DDX50: variants seen among roughly 807,000 people sequenced by gnomAD.
The protein encoded by DDX50 is DExD-box helicase 50.
A neutral mutation model predicts 94.8 loss-of-function variants in DDX50; 56 were observed. The ratio of observed to expected loss-of-function variants is 0.59; its 90% CI spans 0.48 to 0.74. The LOEUF (loss-of-function observed/expected upper bound fraction) is 0.74, where lower values mean the gene tolerates loss of function less well. Ranked by LOEUF, DDX50 falls within the 30% of genes least tolerant of loss-of-function variation. DDX50 has a pLI of 0.00. For synonymous variants in DDX50, 264 were observed against 295.4 expected, an observed-to-expected ratio of 0.89 and a Z score of 1.09; for missense variants, 713 against 881.2, an observed-to-expected ratio of 0.81 and a Z score of 2.42.
At position 68,934,501 on chromosome 10, in the gene DDX50, T is replaced by A; in HGVS notation, c.1401+141T>A. Reference sequence around the variant, plus strand: ...TTTTTTGTTAGTGTGCTATTAAATTTATCAGATTCTGATACTTTTGCAGAT... The same window carrying A: ...TTTTTTGTTAGTGTGCTATTAAATTAATCAGATTCTGATACTTTTGCAGAT... On this transcript the variant is annotated intron_variant, in intron 9 of 14. Coordinates refer to ENST00000373585, the MANE Select transcript of DDX50 (RefSeq NM_024045.2). This position sits in a 1 kb window ranked among gnomAD's most constrained non-coding sequence, Gnocchi z 4.0. 1.7e-6 allele frequency: 2 copies of A among 1,191,440 alleles called. No homozygotes were observed. The highest frequency in any genetic ancestry group is 2.3e-6 in the Non-Finnish European group (2 of 854,596). 73.8% of individuals were successfully genotyped at this position (1,191,440 alleles called of 1,614,324 possible). A position where few individuals can be genotyped will look rare whatever the true frequency, so the allele number is the denominator to read the frequency against.
intron 8 of DDX50, among the ~76,000 whole-genome samples, chr10:68,931,415 A>G (rs375937593): frequency 0.026 from 1,218 of 47,586 alleles, 11 homozygotes; most frequent in Admixed American, 0.038. Context: ...ATATATGTAT[A>G]TATATATATA....
chr10:68,915,887 C>A (rs1158925435), intron 7 of DDX50, among the ~76,000 whole-genome samples: 1 of 152,080 alleles, frequency 6.6e-6, no homozygotes, highest in African/African-American at 2.4e-5. Flanking sequence ...TGGTTAAAAA[C>A]AATCAGTGAT....
At chr10:68,932,988 A>G (rs1030571502) in intron 8 of DDX50, among the ~76,000 whole-genome samples, 1 of 152,060 alleles carries the variant, frequency 6.6e-6, no homozygotes, top group Non-Finnish European at 1.5e-5. Context: ...TATGTATCCT[A>G]CTGAAATATA....
In DDX50 at chr10:68,913,419, C is replaced by T. The variant is rs778495714; in HGVS notation, c.786C>T (p.Ile262=). ...ATCATATTCGAAATGGTATTGACAT[C>T]TTGGTTGGAACACCTGGTCGTATCA... ...QINHIRNGID[I]LVGTPGRIKD... is the part of the protein sequence containing the mutation. Residue 262 remains isoleucine, a synonymous_variant, in exon 6 of 15, where the codon ATC becomes ATT. Transcript: ENST00000373585. 1 of 1,613,566 alleles carries T rather than the reference C, an allele frequency of 6.2e-7. No individual in the cohort carries two copies. The highest frequency in any genetic ancestry group is 1.7e-5 in the Admixed American group (1 of 59,896).
rs781062316 is a variant in DDX50, at chr10:68,913,231, A to C, written c.709A>C (p.Lys237Gln). 6.2e-6 allele frequency: 10 copies of C among 1,613,600 alleles called. No homozygotes were observed. In the East Asian group the frequency reaches 2.2e-4, roughly 36 times the overall value. ...CAAAGACTTCAAAGATATAACTAGG[A>C]AACTCAGCGTGGCGTGTTTTTATGG... ...VAKDFKDITR[K>Q]LSVACFYGGT... The change falls in exon 5 of 15, where the codon AAA becomes CAA. Residue 237 changes from lysine (K) to glutamine (Q), a missense_variant. By Grantham distance (53) the Lys-to-Gln change is moderately conservative. Around this residue, in one of 2 missense-constraint regions of DDX50, gnomAD observed 285 missense variants for 278.9 expected, o/e 1.02. Transcript: ENST00000373585.
At chr10:68,905,175 C>A (rs774540632) in intron 1 of DDX50, among the ~76,000 whole-genome samples, 5 of 152,154 alleles carry the variant, frequency 3.3e-5, no homozygotes, top group African/African-American at 7.2e-5. Flanking sequence ...CCTCGCCCCC[C>A]CAGAGTGCTG....
chr10:68,930,114 C>CTTT (rs34023657), intron 8 of DDX50, among the ~76,000 whole-genome samples: 72 of 99,750 alleles, frequency 7.2e-4, no homozygotes, highest in South Asian at 1.7e-3. Context: ...CTTTCCTTTC[C>CTTT]TTTTTTTTTT....
chr10:68,913,080 G>A, intron 4 of DDX50, 82 bp from the exon 5 acceptor site: 1 of 1,068,026 alleles, frequency 9.4e-7, no homozygotes, highest in Non-Finnish European at 1.4e-6. Flanking sequence ...GGTTTTAAAT[G>A]CACCTAAAAA....
In DDX50 at chr10:68,936,920, T is replaced by C. The variant is rs1842435419; in HGVS notation, c.1596-16T>C. ...TTCCCTATGTCTTGACCAAGAATACTATTTTTAAACCATAGGTCTCTGGCT... is the reference window on the plus strand; with the variant it reads ...TTCCCTATGTCTTGACCAAGAATACCATTTTTAAACCATAGGTCTCTGGCT... On this transcript the variant is annotated splice_polypyrimidine_tract_variant and intron_variant, in intron 11 of 14. Coordinates refer to ENST00000373585, the MANE Select transcript of DDX50 (RefSeq NM_024045.2). 1.9e-6 allele frequency: 3 copies of C among 1,569,448 alleles called. No homozygotes were observed. The highest frequency in any genetic ancestry group is 2.6e-6 in the Non-Finnish European group (3 of 1,156,138).
chr10:68,913,514 A>C lies in DDX50; in HGVS notation c.881A>C (p.Gln294Pro), dbSNP rs766401044. 1 of 1,614,078 alleles carries C rather than the reference A, an allele frequency of 6.2e-7. No homozygotes were observed. Among genetic ancestry groups the C allele is most frequent in the South Asian group, 1.1e-5 (1 of 91,058 alleles). ...CATGTTGTGCTTGATGAAGTGGATC[A>C]GATGTTAGATTTAGGTTTCGCTGAA... ...LRHVVLDEVD[Q>P]MLDLGFAEQV... The change falls in exon 6 of 15, where the codon CAG (glutamine) becomes CCG (proline). Residue 294 changes from glutamine to proline, a missense_variant. Physicochemically the swap from Gln to Pro is moderately conservative, Grantham distance 76 (BLOSUM62 -1). Coordinates refer to ENST00000373585, the MANE Select transcript of DDX50 (RefSeq NM_024045.2).
intron 11 of DDX50, 38 bp from the exon 12 acceptor site, chr10:68,936,898 C>T (rs375516997): frequency 2.6e-6 from 4 of 1,515,614 alleles, no homozygotes; most frequent in African/African-American, 1.4e-5. Context: ...TTATTTTTTC[C>T]CTATGTCTTG....
chr10:68,911,282 C>G (rs1400561771), intron 4 of DDX50, 36 bp downstream of exon 4: 3 of 1,466,142 alleles, frequency 2.0e-6, no homozygotes, highest in Non-Finnish European at 2.7e-6. Context: ...TTAAATGTTA[C>G]TCTAACAGAA....
At chr10:68,936,418 G>A (rs1256918899) in intron 11 of DDX50, among the ~76,000 whole-genome samples, 3 of 146,550 alleles carry the variant, frequency 2.0e-5, no homozygotes, top group South Asian at 2.2e-4. Context: ...GAACCTGGGG[G>A]GCGGAGCTTG....
rs560378339 is a variant in DDX50 at position 68,932,246 on chromosome 10, G to T, written c.1240-1953G>T. On this transcript the variant is annotated intron_variant, in intron 8 of 14. Transcript: ENST00000373585. ...GATACCAAGGCTGAAATACTGTTGG[G>T]GTTAAATTACTGTTATGAACTTCTG... 2.0e-5 allele frequency among the ~76,000 whole-genome samples: 3 copies of T among 152,228 alleles called. No homozygotes were observed. In the South Asian group the frequency reaches 6.2e-4, roughly 32 times the overall value.
Position 68,901,363 on chromosome 10 carries a change from A to G in DDX50, c.-22A>G, listed in dbSNP as rs1589244285. The stretch of plus-strand genomic sequence containing the variant: ...AGGTGGTTGTGGCCACTGTGCCCGG[A>G]GGGAGGCGGCGGTGGCCAGTAATGC... On this transcript the variant is annotated 5_prime_UTR_variant, in exon 1 of 15. Transcript: ENST00000373585. The G allele has an allele frequency of 6.5e-7, 1 of 1,528,798 alleles. No homozygotes were observed. The highest frequency in any genetic ancestry group is 8.8e-7 in the Non-Finnish European group (1 of 1,135,696). The allele number at this position is 1,528,798 out of a possible 1,614,324, so 94.7% of individuals were successfully genotyped here. A position where few individuals can be genotyped will look rare whatever the true frequency, so the allele number is the denominator to read the frequency against.
chr10:68,929,477 G>A (rs1252436399), intron 8 of DDX50, among the ~76,000 whole-genome samples: 1 of 149,200 alleles, frequency 6.7e-6, no homozygotes, highest in African/African-American at 2.5e-5. Flanking sequence ...CCAGGCTGGA[G>A]TGCAATGTTG....
At chr10:68,912,982 AG>A (rs745575828) in intron 4 of DDX50, among the ~76,000 whole-genome samples, 179 bp from the exon 5 acceptor site, 5 of 152,216 alleles carry the variant, frequency 3.3e-5, no homozygotes, top group Non-Finnish European at 7.3e-5. Context: ...GAAGGAAGTA[AG>A]GGGGGAATGT....
intron 8 of DDX50, among the ~76,000 whole-genome samples, chr10:68,931,392 A>ATAT (rs1554836673): frequency 0.085 from 7,263 of 85,236 alleles, 449 homozygotes; most frequent in Non-Finnish European, 0.12. Flanking sequence ...TAAAAAAAAA[A>ATAT]ATATATATAT....
At chr10:68,906,072 A>G (rs7097023) in intron 1 of DDX50, among the ~76,000 whole-genome samples, 3 of 152,320 alleles carry the variant, frequency 2.0e-5, no homozygotes, top group Non-Finnish European at 4.4e-5. Flanking sequence ...CCTGTAATCA[A>G]ACACCTTAAT....
Sources: gnomAD v4.1 joint callset for allele counts (sites outside exome capture counted in the v4.1 genomes callset) on GRCh38, gnomAD v4.1.1 for gene constraint, gnomAD v4.1.1 regional missense constraint, Gnocchi (gnomAD v3.1) non-coding constraint, MANE v1.5 for transcripts, NCBI Gene and HGNC (gene_info 2026-07-23, HGNC 2026-07-21) for gene names.